Variants in RALB observed in about 807,000 individuals in gnomAD.
RALB encodes the protein ras-related protein Ral-B.
RALB carries 16 observed loss-of-function variants against 21.3 expected under a neutral mutation model. That is an observed-to-expected ratio of 0.75 (90% CI 0.51 to 1.14). The LOEUF (loss-of-function observed/expected upper bound fraction) is 1.14. RALB is among the 50% of genes most tolerant of loss of function. The pLI, the probability that RALB is intolerant of heterozygous loss-of-function variation, is 0.00. For synonymous variants in RALB, 93 were observed against 96.1 expected, an observed-to-expected ratio of 0.97 and a Z score of 0.19; for missense variants, 161 against 256.2, an observed-to-expected ratio of 0.63 and a Z score of 2.54.
intron 2 of RALB, among the ~76,000 whole-genome samples, chr2:120,279,535 A>T (rs1414163052): frequency 6.6e-6 from 1 of 152,248 alleles, no homozygotes; most frequent in East Asian, 1.9e-4. Context: ...TTTACATTGT[A>T]TTATGTATTA....
intron 1 of RALB, among the ~76,000 whole-genome samples, chr2:120,277,245 G>C (rs539790725): frequency 6.6e-6 from 1 of 152,294 alleles, no homozygotes; most frequent in East Asian, 1.9e-4. Flanking sequence ...GTGTGTGTGA[G>C]AAAGTGTATG....
intron 1 of RALB, among the ~76,000 whole-genome samples, chr2:120,269,523 G>C (rs1311095611): frequency 6.6e-6 from 1 of 152,094 alleles, no homozygotes; most frequent in South Asian, 2.1e-4. Context: ...CCATTTTAGA[G>C]AGCACTGATT....
chr2:120,256,028 A>C (rs1689192221), intron 1 of RALB, among the ~76,000 whole-genome samples: 1 of 152,210 alleles, frequency 6.6e-6, no homozygotes, highest in South Asian at 2.1e-4. Context: ...CTGTTGCTGC[A>C]TAACAAATTT....
intron 3 of RALB, among the ~76,000 whole-genome samples, chr2:120,288,364 T>TTTTTTTTTTTTA: frequency 6.7e-6 from 1 of 148,498 alleles, no homozygotes. Flanking sequence ...GTTTTTTTTT[T>TTTTTTTTTTTTA]TGTAGATACA....
chr2:120,251,587 T>TTA, upstream of RALB, among the ~76,000 whole-genome samples: 1 of 152,348 alleles, frequency 6.6e-6, no homozygotes, highest in South Asian at 2.1e-4. Flanking sequence ...ACCTGTGCAC[T>TTA]TAACTGTTAC....
At chr2:120,262,683 A>G (rs1263224879) in intron 1 of RALB, among the ~76,000 whole-genome samples, 2 of 152,302 alleles carry the variant, frequency 1.3e-5, no homozygotes, top group East Asian at 3.9e-4. Context: ...ACATACTGAC[A>G]CAGCAGGGAA....
rs559815208 is a variant in RALB, at chr2:120,266,636, C to T, written c.-47-11982C>T. On this transcript the variant is annotated intron_variant, in intron 1 of 4. Transcript: ENST00000272519. ...TGAGGTGGGAGGGTTGCTCGAGTCC[C>T]AAAGGTTGAGGCTGTAGTGAGTCAT... 3.3e-5 allele frequency among the ~76,000 whole-genome samples: 5 copies of T among 152,146 alleles called. No homozygotes were observed. In the East Asian group the frequency reaches 9.7e-4, roughly 29 times the overall value.
intron 2 of RALB, among the ~76,000 whole-genome samples, chr2:120,284,096 G>A (rs780082462): frequency 3.9e-5 from 6 of 152,308 alleles, no homozygotes; most frequent in Admixed American, 6.5e-5. Flanking sequence ...TTTTTTTGGC[G>A]TGTATTTTTC....
At chr2:120,251,445 T>C (rs1380420463), upstream of RALB, among the ~76,000 whole-genome samples, 1 of 152,188 alleles carries the variant, frequency 6.6e-6, no homozygotes, top group Non-Finnish European at 1.5e-5. Flanking sequence ...ATGTACATCT[T>C]CTTACCTATA....
intron 1 of RALB, among the ~76,000 whole-genome samples, chr2:120,268,355 T>C (rs1320469502): frequency 2.6e-5 from 4 of 152,246 alleles, no homozygotes; most frequent in African/African-American, 9.6e-5. Flanking sequence ...CATACATTAG[T>C]AGTCTGCTAG....
intron 1 of RALB, among the ~76,000 whole-genome samples, chr2:120,244,155 G>T (rs1055185532): frequency 3.9e-5 from 6 of 152,192 alleles, no homozygotes; most frequent in African/African-American, 1.4e-4. Flanking sequence ...ACTATCATGA[G>T]AACAGCAAGG....
intron 1 of RALB, among the ~76,000 whole-genome samples, chr2:120,277,927 G>C (rs540998276): frequency 5.3e-5 from 5 of 94,878 alleles, no homozygotes; most frequent in African/African-American, 2.4e-4. Context: ...GTTAATGTGA[G>C]CGTGTGTGAG....
At position 120,291,500 on chromosome 2, in the gene RALB, G is replaced by A. The variant is rs555002597; in HGVS notation, c.502-1641G>A. ...GTGTATTTCCTGGATGGGTTGTCGC[G>A]TGGGGGGTCTGTGTTGTCATCTCCC... On this transcript the variant is annotated intron_variant, in intron 4 of 4. Transcript: ENST00000272519. Among the ~76,000 whole-genome samples, 140 of 152,278 alleles carry A rather than the reference G, an allele frequency of 9.2e-4. 3 individuals are homozygous for A. The South Asian group carries it at 0.028, about 31-fold the overall frequency.
chr2:120,292,820 A>G (rs1181539900), intron 4 of RALB, among the ~76,000 whole-genome samples: 6 of 151,746 alleles, frequency 4.0e-5, no homozygotes, highest in Non-Finnish European at 5.9e-5. Context: ...GCTGCATGGC[A>G]GTGACAGTAC....
At chr2:120,261,697 T>C (rs1689371618) in intron 1 of RALB, among the ~76,000 whole-genome samples, 1 of 152,020 alleles carries the variant, frequency 6.6e-6, no homozygotes, top group South Asian at 2.1e-4. Flanking sequence ...AGCAGGGAGA[T>C]GAGGTATCTG....
intron 1 of RALB, among the ~76,000 whole-genome samples, chr2:120,254,838 G>A (rs1250173795): frequency 6.6e-6 from 1 of 152,056 alleles, no homozygotes; most frequent in African/African-American, 2.4e-5. Flanking sequence ...ACCATGCCAA[G>A]CTAATTTTTG....
chr2:120,267,643 T>A (rs1689536145), intron 1 of RALB, among the ~76,000 whole-genome samples: 1 of 152,164 alleles, frequency 6.6e-6, no homozygotes, highest in Non-Finnish European at 1.5e-5. Flanking sequence ...TCACATAGTG[T>A]ATGTCCCTTC....
At chr2:120,293,108 C>T in intron 4 of RALB, 33 bp from the exon 5 acceptor site, 2 of 1,556,384 alleles carry the variant, frequency 1.3e-6, no homozygotes, top group African/African-American at 1.4e-5. Flanking sequence ...TCTTTCTTCA[C>T]TATTCTTTTT....
At chr2:120,285,691 C>T (rs1274390522) in intron 2 of RALB, among the ~76,000 whole-genome samples, 183 bp from the exon 3 acceptor site, 1 of 152,124 alleles carries the variant, frequency 6.6e-6, no homozygotes, top group African/African-American at 2.4e-5. Context: ...GGGATATCTG[C>T]CTGTATTGTT....
Sources: gnomAD v4.1 joint callset for allele counts (sites outside exome capture counted in the v4.1 genomes callset) on GRCh38, gnomAD v4.1.1 for gene constraint, MANE v1.5 for transcripts, NCBI Gene and HGNC (gene_info 2026-07-23, HGNC 2026-07-21) for gene names.